Variants in DLG2 observed in about 807,000 individuals in gnomAD.
The protein encoded by DLG2 is disks large homolog 2.
A neutral mutation model predicts 132.5 loss-of-function variants in DLG2; 45 were observed. That is an observed-to-expected ratio of 0.34 (90% confidence interval 0.27 to 0.44). The LOEUF is 0.44. Among genes scored for constraint, DLG2 ranks in the 20% least tolerant of loss-of-function variants. DLG2 has a pLI of 1.00. For synonymous variants in DLG2, 424 were observed against 419.6 expected (o/e 1.01, Z -0.13); for missense variants, 1,045 against 1,196.9 (o/e 0.87, Z 1.87).
intron 10 of DLG2, among the ~76,000 whole-genome samples, chr11:84,091,374 A>C (rs2097091077): frequency 2.6e-5 from 4 of 152,184 alleles, no homozygotes; most frequent in Non-Finnish European, 1.5e-5. Flanking sequence ...AACAGGTCTC[A>C]GTCTCCATCT....
At chr11:84,751,527 A>G (rs1840993100) in intron 6 of DLG2, among the ~76,000 whole-genome samples, 1 of 152,110 alleles carries the variant, frequency 6.6e-6, no homozygotes, top group African/African-American at 2.4e-5. Flanking sequence ...GGTGACGTAC[A>G]TGGAAGAAAT....
At chr11:84,569,019 A>G (rs1471896122) in intron 6 of DLG2, among the ~76,000 whole-genome samples, 1 of 152,154 alleles carries the variant, frequency 6.6e-6, no homozygotes, top group African/African-American at 2.4e-5. Flanking sequence ...GCCAGAGAAC[A>G]CATCCTATTA....
At chr11:85,276,285 G>A (rs1019486510) in intron 4 of DLG2, among the ~76,000 whole-genome samples, 3 of 152,118 alleles carry the variant, frequency 2.0e-5, no homozygotes, top group African/African-American at 7.2e-5. Flanking sequence ...TGCCAGGATA[G>A]TCTGCCTGTT....
intron 6 of DLG2, among the ~76,000 whole-genome samples, chr11:84,994,444 C>T (rs1359179727): frequency 6.6e-6 from 1 of 152,140 alleles, no homozygotes; most frequent in Non-Finnish European, 1.5e-5. Context: ...GCCAACTAGC[C>T]ACTGAAGTTA....
At chr11:85,528,754 T>C (rs1225990334) in intron 3 of DLG2, among the ~76,000 whole-genome samples, 2 of 152,172 alleles carry the variant, frequency 1.3e-5, no homozygotes, top group African/African-American at 4.8e-5. Flanking sequence ...TTAGTTTAAT[T>C]ATCTGCTATA....
intron 3 of DLG2, among the ~76,000 whole-genome samples, chr11:85,367,131 G>A (rs1210197465): frequency 2.6e-5 from 4 of 152,144 alleles, no homozygotes; most frequent in Admixed American, 6.5e-5. Flanking sequence ...TTAGATCAAC[G>A]TTTTAAAAAA....
At chr11:84,916,478 A>G (rs11822005) in intron 6 of DLG2, among the ~76,000 whole-genome samples, 2,702 of 152,066 alleles carry the variant, frequency 0.018, 71 homozygotes, top group African/African-American at 0.061. Flanking sequence ...GGAGGACTCA[A>G]TATCAGTGTC....
intron 4 of DLG2, among the ~76,000 whole-genome samples, chr11:85,281,120 A>C (rs912478055): frequency 1.3e-5 from 2 of 152,056 alleles, no homozygotes; most frequent in African/African-American, 4.8e-5. Flanking sequence ...GGAAGTAAGA[A>C]GACAGATCTC....
chr11:84,993,072 A>C (rs905153538), intron 6 of DLG2, among the ~76,000 whole-genome samples: 1 of 152,362 alleles, frequency 6.6e-6, no homozygotes, highest in Non-Finnish European at 1.5e-5. Context: ...TGGCACATAT[A>C]TACCATGGAA....
chr11:83,991,239 T>C (rs1412235615), intron 11 of DLG2, among the ~76,000 whole-genome samples: 1 of 152,208 alleles, frequency 6.6e-6, no homozygotes, highest in African/African-American at 2.4e-5. Context: ...GAAGTGATTC[T>C]GCTTAAAATT....
intron 19 of DLG2, among the ~76,000 whole-genome samples, chr11:83,567,420 T>A (rs2096726866): frequency 6.6e-6 from 1 of 152,140 alleles, no homozygotes; most frequent in Non-Finnish European, 1.5e-5. Context: ...GCCTCTACCA[T>A]GTACTCATGG....
intron 3 of DLG2, among the ~76,000 whole-genome samples, chr11:85,413,777 G>A (rs1385880943): frequency 6.6e-6 from 1 of 152,020 alleles, no homozygotes; most frequent in Non-Finnish European, 1.5e-5. Flanking sequence ...TTTTATACCA[G>A]TGCCATGCTG....
chr11:85,563,316 T>G (rs2077354219), intron 3 of DLG2, among the ~76,000 whole-genome samples: 1 of 151,856 alleles, frequency 6.6e-6, no homozygotes, highest in East Asian at 1.9e-4. Context: ...ACAATCAAGA[T>G]ATAGAGCATT....
At chr11:84,567,188 G>C (rs188980653) in intron 6 of DLG2, among the ~76,000 whole-genome samples, 2 of 152,108 alleles carry the variant, frequency 1.3e-5, no homozygotes, top group Non-Finnish European at 2.9e-5. Flanking sequence ...TAGAAAGGAA[G>C]AATGGAAAAA....
chr11:84,367,739 G>T (rs935552138), intron 7 of DLG2, among the ~76,000 whole-genome samples: 7 of 152,048 alleles, frequency 4.6e-5, no homozygotes, highest in African/African-American at 1.4e-4. Context: ...CACAGCAAGT[G>T]GACCTCACCA....
At chr11:84,667,491 G>GTTT (rs1275372814) in intron 6 of DLG2, among the ~76,000 whole-genome samples, 9 of 35,300 alleles carry the variant, frequency 2.5e-4, no homozygotes, top group Non-Finnish European at 2.9e-4. Context: ...TTTGTTTTTT[G>GTTT]TTTTTTGTTT....
intron 4 of DLG2, among the ~76,000 whole-genome samples, chr11:85,282,136 T>C (rs1489836537): frequency 1.3e-5 from 2 of 151,746 alleles, no homozygotes; most frequent in Non-Finnish European, 1.5e-5. Context: ...ATATCACTCA[T>C]ATATGGAAGC....
intron 3 of DLG2, among the ~76,000 whole-genome samples, chr11:85,427,155 G>A (rs1468052001): frequency 6.6e-6 from 1 of 152,316 alleles, no homozygotes; most frequent in Non-Finnish European, 1.5e-5. Flanking sequence ...ATCGATTGGT[G>A]TACCTGAAAG....
At chr11:84,341,479 T>A (rs1028623292) in intron 7 of DLG2, among the ~76,000 whole-genome samples, 1 of 152,200 alleles carries the variant, frequency 6.6e-6, no homozygotes, top group South Asian at 2.1e-4. Context: ...TGGCTGCACA[T>A]GAGAATCTGT....
Sources: gnomAD v4.1 joint callset for allele counts (sites outside exome capture counted in the v4.1 genomes callset) on GRCh38, gnomAD v4.1.1 for gene constraint, MANE v1.5 for transcripts, NCBI Gene and HGNC (gene_info 2026-07-23, HGNC 2026-07-21) for gene names.